The following MED22 variants were observed in gnomAD, a reference collection of about 807,000 sequenced individuals.
The protein encoded by MED22 is mediator complex subunit 22, also known as mediator of RNA polymerase II transcription subunit 22.
MED22 carries 22 observed loss-of-function variants against 22.7 expected under a neutral mutation model. The ratio of observed to expected loss-of-function variants is 0.97; its 90% CI spans 0.69 to 1.38. MED22 has a LOEUF of 1.38. MED22 is among the 40% of genes most tolerant of loss of function. The pLI is 0.00. For missense variants in MED22, 247 were observed against 263.0 expected (o/e 0.94, Z 0.42); for synonymous variants, 134 against 119.4 (o/e 1.12, Z -0.80).
chr9:133,341,930 C>A, intron 4 of MED22: 1 of 1,312,892 alleles, frequency 7.6e-7, no homozygotes, highest in Admixed American at 4.3e-5. Flanking sequence ...CCTGGCCCAA[C>A]CACCAACAGC....
Position 133,341,273 on chromosome 9 carries a change from G to C in MED22, c.*232C>G. On this transcript the variant is annotated 3_prime_UTR_variant, in exon 5 of 5. Coordinates refer to ENST00000343730, the MANE Select transcript of MED22 (RefSeq NM_133640.5). ...TGGCTGGCCAGGAAGGCAGCAAACA[G>C]AGATGATGACTCGGAATGATGGGCT... 3 of 441,428 alleles carry C rather than the reference G, an allele frequency of 6.8e-6. No individual in the cohort carries two copies. The highest frequency in any genetic ancestry group is 1.2e-5 in the Non-Finnish European group (3 of 256,264). 27.3% of individuals were successfully genotyped at this position (441,428 alleles called of 1,614,324 possible). A position where few individuals can be genotyped will look rare whatever the true frequency, so the allele number is the denominator to read the frequency against.
rs1042322749 is a variant in MED22, at chr9:133,340,998, G to A, written c.*507C>T. 3 of 153,644 alleles carry A rather than the reference G, an allele frequency of 2.0e-5. No homozygotes were observed. Among genetic ancestry groups the A allele is most frequent in the African/African-American group, 7.2e-5 (3 of 41,532 alleles). The allele number at this position is 153,644 out of a possible 1,614,324, so 9.5% of individuals were successfully genotyped here. A position where few individuals can be genotyped will look rare whatever the true frequency, so the allele number is the denominator to read the frequency against. ...GCTTCCACATGCGTGGGCAGCAGCT[G>A]TCACACGGGCCTGTCGTGGCACTCA... is the stretch of plus-strand genomic sequence containing the variant. On this transcript the variant is annotated 3_prime_UTR_variant, in exon 5 of 5. Transcript: ENST00000343730.
Position 133,348,105 on chromosome 9 carries a change from C to T in MED22, c.-222G>A. On this transcript the variant is annotated 5_prime_UTR_variant, in exon 1 of 5. Transcript: ENST00000343730. ...GTCAGCCGCCGCAGCCTCTCGGCCC[C>T]GCCTCGATTTTTAGCTTTATAGGAA... The T allele has an allele frequency of 1.6e-6, 2 of 1,290,112 alleles. No individual in the cohort carries two copies. Among genetic ancestry groups the T allele is most frequent in the South Asian group, 2.5e-5 (2 of 81,588 alleles). The allele number at this position is 1,290,112 out of a possible 1,614,324, so 79.9% of individuals were successfully genotyped here. A position where few individuals can be genotyped will look rare whatever the true frequency, so the allele number is the denominator to read the frequency against.
intron 1 of MED22, chr9:133,347,699 C>G (rs1456040448): frequency 6.5e-6 from 1 of 154,860 alleles, no homozygotes; most frequent in Non-Finnish European, 1.4e-5. Flanking sequence ...GCGCGCGGTG[C>G]TCAGGGAGGG....
chr9:133,348,106 G>C lies in MED22; in HGVS notation c.-223C>G. On this transcript the variant is annotated 5_prime_UTR_variant, in exon 1 of 5. Transcript: ENST00000343730. ...TCAGCCGCCGCAGCCTCTCGGCCCC[G>C]CCTCGATTTTTAGCTTTATAGGAAT... is the stretch of plus-strand genomic sequence containing the variant. The C allele has an allele frequency of 7.7e-7, 1 of 1,295,922 alleles. No homozygotes were observed. The highest frequency in any genetic ancestry group is 1.1e-6 in the Non-Finnish European group (1 of 899,568). The allele number at this position is 1,295,922 out of a possible 1,614,324, so 80.3% of individuals were successfully genotyped here. A position where few individuals can be genotyped will look rare whatever the true frequency, so the allele number is the denominator to read the frequency against.
At chr9:133,343,845 C>T in intron 4 of MED22, 15 of 1,412,610 alleles carry the variant, frequency 1.1e-5, no homozygotes, top group South Asian at 1.7e-5. Context: ...GCGGGGGATA[C>T]AGCCAGGCGC....
Position 133,347,947 on chromosome 9 carries a change from G to A in MED22, c.-64C>T. 1 of 250,602 alleles carries A rather than the reference G, an allele frequency of 4.0e-6. No individual in the cohort carries two copies. Among genetic ancestry groups the A allele is most frequent in the South Asian group, 3.6e-5 (1 of 28,164 alleles). 15.5% of individuals were successfully genotyped at this position (250,602 alleles called of 1,614,324 possible). ...CCGCCCCAGCGCCCGCACACCAGAC[G>A]CCGCGTCCGCCGGGTCGGCCTAGGG... is the stretch of plus-strand genomic sequence containing the variant. On this transcript the variant is annotated 5_prime_UTR_variant, in exon 1 of 5. Transcript: ENST00000343730.
intron 3 of MED22, among the ~76,000 whole-genome samples, chr9:133,344,744 G>T (rs1181996031): frequency 6.6e-6 from 1 of 152,208 alleles, no homozygotes; most frequent in Non-Finnish European, 1.5e-5. Context: ...AGCCCTGGAC[G>T]TGCACCTGCG....
chr9:133,342,264 C>T (rs1836027834), intron 4 of MED22: 1 of 986,240 alleles, frequency 1.0e-6, no homozygotes, highest in Non-Finnish European at 1.2e-6. Context: ...ACGGGGAATC[C>T]TCACGGCAGC....
rs2129964540 is a variant in MED22 at position 133,345,257 on chromosome 9, G to A, written c.124-5C>T. On this transcript the variant is annotated splice_region_variant and splice_polypyrimidine_tract_variant and intron_variant, in intron 2 of 4. Coordinates refer to ENST00000343730, the MANE Select transcript of MED22 (RefSeq NM_133640.5). ...CACCTGCGTCTCGTCCTCAATCTGG[G>A]GGAAAACAAGAAAACCTAGAAATCA... 3.1e-6 allele frequency: 5 copies of A among 1,613,650 alleles called. No individual in the cohort carries two copies. The South Asian group carries it at 4.4e-5, about 14-fold the overall frequency.
chr9:133,344,004 A>C (rs1836096035), intron 4 of MED22, 121 bp downstream of exon 4: 4 of 1,513,058 alleles, frequency 2.6e-6, no homozygotes, highest in Middle Eastern at 2.3e-4. Context: ...TCTGAAACCC[A>C]GGCATGGCTC....
At chr9:133,346,483 T>C in intron 2 of MED22, 57 bp downstream of exon 2, 1 of 1,604,912 alleles carries the variant, frequency 6.2e-7, no homozygotes, top group East Asian at 2.2e-5. Context: ...CCCTGGCCTC[T>C]CCTGTCTCCA....
At chr9:133,342,892 G>T in intron 4 of MED22, 1 of 985,590 alleles carries the variant, frequency 1.0e-6, no homozygotes, top group Non-Finnish European at 1.2e-6. Context: ...CAGGCAGGCT[G>T]AATTACAGGC....
Position 133,338,970 on chromosome 9 carries a change from C to G in MED22, c.*2535G>C, listed in dbSNP as rs2129941943. ...AAAAGCCTTTCAGCTGGAACCGCCA[C>G]CTTCCAGTAATTCGCCAAAATGACG... On this transcript the variant is annotated 3_prime_UTR_variant, in exon 5 of 5. Coordinates refer to ENST00000343730, the MANE Select transcript of MED22 (RefSeq NM_133640.5). 85 of 695,488 alleles carry G rather than the reference C, an allele frequency of 1.2e-4. No individual in the cohort carries two copies. The highest frequency in any genetic ancestry group is 5.3e-4 in the South Asian group (39 of 73,930). 43.1% of individuals were successfully genotyped at this position (695,488 alleles called of 1,614,324 possible). A position where few individuals can be genotyped will look rare whatever the true frequency, so the allele number is the denominator to read the frequency against.
In MED22 at chr9:133,343,806, CGAG is replaced by C. The variant is rs1402540808; in HGVS notation, c.413+316_413+318del. ...CAGCACAGCCCCAGAACGCACTGCC[CGAG>C]GAGGAAGGCTCTCGGAAGAGGGCCT... On this transcript the variant is annotated intron_variant, in intron 4 of 4. Coordinates refer to ENST00000343730, the MANE Select transcript of MED22 (RefSeq NM_133640.5). 4 of 1,398,324 alleles carry C rather than the reference CGAG, an allele frequency of 2.9e-6. No homozygotes were observed. In the African/African-American group the frequency reaches 5.8e-5, roughly 20 times the overall value. The allele number at this position is 1,398,324 out of a possible 1,614,324, so 86.6% of individuals were successfully genotyped here.
intron 1 of MED22, chr9:133,347,242 G>C (rs117934335): frequency 6.5e-6 from 1 of 153,722 alleles, no homozygotes; most frequent in African/African-American, 2.4e-5. Flanking sequence ...TTCCAACCGG[G>C]CGCGGTGGCT....
chr9:133,346,400 G>A lies in MED22; in HGVS notation c.123+140C>T, dbSNP rs2129968107. ...GGCTGGACGTGCCATTATTTGGTTTGCTTATCTACTGACCAGCTCCCTGTG... is the reference window on the plus strand; with the variant it reads ...GGCTGGACGTGCCATTATTTGGTTTACTTATCTACTGACCAGCTCCCTGTG... On this transcript the variant is annotated intron_variant, in intron 2 of 4. Transcript: ENST00000343730. The A allele has an allele frequency of 2.5e-5, 26 of 1,047,608 alleles. No homozygotes were observed. The South Asian group carries it at 3.7e-4, about 15-fold the overall frequency. 64.9% of individuals were successfully genotyped at this position (1,047,608 alleles called of 1,614,324 possible).
chr9:133,342,515 G>T (rs1836037025), intron 4 of MED22: 1 of 986,940 alleles, frequency 1.0e-6, no homozygotes. Context: ...AAGCAGAGAG[G>T]GGGCAGGCGA....
At chr9:133,346,802 C>T in intron 1 of MED22, 102 bp from the exon 2 acceptor site, 1 of 1,064,954 alleles carries the variant, frequency 9.4e-7, no homozygotes, top group Non-Finnish European at 1.3e-6. Context: ...GATTCCCTTT[C>T]TGCCAAATAA....
Sources: gnomAD v4.1 joint callset for allele counts (sites outside exome capture counted in the v4.1 genomes callset) on GRCh38, gnomAD v4.1.1 for gene constraint, MANE v1.5 for transcripts, NCBI Gene and HGNC (gene_info 2026-07-23, HGNC 2026-07-21) for gene names.